The following ZFYVE1 variants were observed in gnomAD, a reference collection of about 807,000 sequenced individuals.
The protein encoded by ZFYVE1 is zinc finger FYVE-type containing 1, also known as zinc finger FYVE domain-containing protein 1.
Under a neutral mutation model 74.4 loss-of-function variants are expected in ZFYVE1, and 30 were observed. The ratio of observed to expected loss-of-function variants is 0.40; its 90% CI spans 0.30 to 0.55. ZFYVE1 has a LOEUF of 0.55. ZFYVE1 is among the 20% of genes least tolerant of loss of function. The pLI, the probability that ZFYVE1 is intolerant of heterozygous loss-of-function variation, is 0.42. For missense variants in ZFYVE1, 703 were observed against 1,011.6 expected (o/e 0.69, Z 4.14); for synonymous variants, 335 against 385.1 (o/e 0.87, Z 1.52).
At chr14:72,980,561 A>C (rs1347501009) in intron 5 of ZFYVE1, among the ~76,000 whole-genome samples, 1 of 142,772 alleles carries the variant, frequency 7.0e-6, no homozygotes, top group African/African-American at 2.5e-5. Flanking sequence ...TTATTTATTT[A>C]TTTATTTATT....
At chr14:72,980,527 G>GAATTAATT (rs35853251) in intron 5 of ZFYVE1, among the ~76,000 whole-genome samples, 11 of 140,782 alleles carry the variant, frequency 7.8e-5, no homozygotes, top group East Asian at 2.3e-4. Context: ...CATCACCTGA[G>GAATTAATT]AATTAATTAA....
At chr14:72,993,559 C>T (rs977099417) in intron 3 of ZFYVE1, among the ~76,000 whole-genome samples, 1 of 148,638 alleles carries the variant, frequency 6.7e-6, no homozygotes, top group Non-Finnish European at 1.5e-5. Context: ...ATTAGCAGGG[C>T]GTGGTGGCGC....
chr14:73,025,838 A>G (rs1272359099), intron 1 of ZFYVE1, among the ~76,000 whole-genome samples: 1 of 152,182 alleles, frequency 6.6e-6, no homozygotes, highest in Non-Finnish European at 1.5e-5. Context: ...TCAGATATTA[A>G]ATTCAGAATC....
intron 2 of ZFYVE1, among the ~76,000 whole-genome samples, chr14:73,023,785 G>A (rs1482581718): frequency 6.6e-6 from 1 of 152,062 alleles, no homozygotes; most frequent in South Asian, 2.1e-4. Flanking sequence ...CTCACAACTC[G>A]ATGAAGTAGG....
At chr14:72,981,675 T>G in intron 5 of ZFYVE1, 114 bp downstream of exon 5, 1 of 975,080 alleles carries the variant, frequency 1.0e-6, no homozygotes, top group Non-Finnish European at 1.6e-6. Context: ...AATCAGAACC[T>G]GTAATTTAGC....
chr14:72,971,823 G>GTC (rs1440469903), intron 11 of ZFYVE1, among the ~76,000 whole-genome samples: 3 of 152,158 alleles, frequency 2.0e-5, no homozygotes, highest in Non-Finnish European at 1.5e-5. Context: ...GGGCAGCCGT[G>GTC]TTAAGAACCC....
rs750799675 is a variant in ZFYVE1, at chr14:72,971,058, G to A, written c.2158C>T (p.His720Tyr). Residue 720 changes from histidine (H) to tyrosine (Y), a missense_variant, in exon 12 of 12, where the codon CAC (histidine) becomes TAC (tyrosine). Physicochemically the swap from His to Tyr is moderately conservative, Grantham distance 83. Coordinates refer to ENST00000556143, the MANE Select transcript of ZFYVE1 (RefSeq NM_021260.4). ...AYWVPDHEIL[H>Y]CHNCRKEFSI... The stretch of plus-strand genomic sequence containing the variant: ...AACTCCTTCCGGCAGTTGTGGCAGT[G>A]GAGGATTTCGTGGTCAGGCACCCAG... The A allele has an allele frequency of 1.2e-6, 2 of 1,614,050 alleles. No homozygotes were observed. Among genetic ancestry groups the A allele is most frequent in the Admixed American group, 1.7e-5 (1 of 59,992 alleles).
In ZFYVE1 at chr14:72,978,127, T is replaced by G. The variant is rs369587161; in HGVS notation, c.1517+10A>C. Reference sequence around the variant, plus strand: ...ACCAGAAAACCTTGAGCCATGTTGTTTAAACTCACCCAGACCAGGCATATT... The same window carrying G: ...ACCAGAAAACCTTGAGCCATGTTGTGTAAACTCACCCAGACCAGGCATATT... On this transcript the variant is annotated intron_variant, in intron 7 of 11. Transcript: ENST00000556143. 9.9e-5 allele frequency: 159 copies of G among 1,614,036 alleles called. 1 individual carries two copies. Among genetic ancestry groups the G allele is most frequent in the Non-Finnish European group, 1.9e-5 (23 of 1,180,008 alleles).
At chr14:72,978,262 ATTGTTTGTTTT>A (rs772292181) in intron 6 of ZFYVE1, 28 bp from the exon 7 acceptor site, 19 of 1,605,512 alleles carry the variant, frequency 1.2e-5, no homozygotes, top group South Asian at 8.8e-5. Context: ...CTGCTAGCTT[ATTGTTTGTTTT>A]TTGTTTGTTT....
rs549700019 is a variant in ZFYVE1, at chr14:73,024,832, A to G, written c.-324T>C. 14 of 228,800 alleles carry G rather than the reference A, an allele frequency of 6.1e-5. No individual in the cohort carries two copies. The highest frequency in any genetic ancestry group is 8.5e-5 in the Non-Finnish European group (10 of 118,016). 14.2% of individuals were successfully genotyped at this position (228,800 alleles called of 1,614,324 possible). Reference sequence around the variant, plus strand: ...TATCTGAGAGAGGTCTGATGGGTTCACGGTGGTGGGTTCATCGGTTGGACA... The same window carrying G: ...TATCTGAGAGAGGTCTGATGGGTTCGCGGTGGTGGGTTCATCGGTTGGACA... On this transcript the variant is annotated 5_prime_UTR_variant, in exon 2 of 12. An upstream open reading frame in the 5' UTR loses its in-frame stop. Coordinates refer to ENST00000556143, the MANE Select transcript of ZFYVE1 (RefSeq NM_021260.4).
In ZFYVE1 at chr14:73,000,930, C is replaced by T. The variant is rs1461893683; in HGVS notation, c.484-2615G>A. ...CACTTCCACCCCTTGCTTCAATATG[C>T]GTCGGTTATTCTCACCTTTGGGGCA... is the stretch of plus-strand genomic sequence containing the variant. On this transcript the variant is annotated intron_variant, in intron 2 of 11. Coordinates refer to ENST00000556143, the MANE Select transcript of ZFYVE1 (RefSeq NM_021260.4). Among the ~76,000 whole-genome samples the T allele has an allele frequency of 3.3e-5, 5 of 152,310 alleles. 1 individual carries two copies. The highest frequency in any genetic ancestry group is 1.2e-4 in the African/African-American group (5 of 41,572).
chr14:72,969,574 T>A lies in ZFYVE1; in HGVS notation c.*1308A>T. On this transcript the variant is annotated 3_prime_UTR_variant, in exon 12 of 12. Transcript: ENST00000556143. ...GAGGGACGACACACTCCAGGGCTCA[T>A]GTCACACCGATAGGCGCACCAGGAA... is the stretch of plus-strand genomic sequence containing the variant. The A allele has an allele frequency of 1.6e-6, 1 of 639,402 alleles. No homozygotes were observed. The highest frequency in any genetic ancestry group is 2.8e-6 in the Non-Finnish European group (1 of 356,632). The allele number at this position is 639,402 out of a possible 1,614,324, so 39.6% of individuals were successfully genotyped here.
intron 5 of ZFYVE1, among the ~76,000 whole-genome samples, chr14:72,979,473 G>A (rs1893267049): frequency 6.6e-6 from 1 of 151,782 alleles, no homozygotes; most frequent in African/African-American, 2.4e-5. Context: ...CCAACATGGA[G>A]AAACCCCGTC....
chr14:72,985,563 C>T (rs1293415423), intron 4 of ZFYVE1, among the ~76,000 whole-genome samples: 1 of 151,524 alleles, frequency 6.6e-6, no homozygotes, highest in Non-Finnish European at 1.5e-5. Context: ...AACTCCTGAC[C>T]TCAAGTGATC....
chr14:72,986,592 C>T (rs1422146739), intron 4 of ZFYVE1, among the ~76,000 whole-genome samples: 3 of 144,356 alleles, frequency 2.1e-5, no homozygotes, highest in Non-Finnish European at 4.5e-5. Flanking sequence ...GACAGAGTCT[C>T]GCTCTATCAC....
At chr14:72,993,060 G>T in intron 4 of ZFYVE1, 83 bp downstream of exon 4, 2 of 1,355,934 alleles carry the variant, frequency 1.5e-6, no homozygotes, top group Non-Finnish European at 2.0e-6. Context: ...CCAATCACCA[G>T]CACCACAAAA....
Position 72,969,934 on chromosome 14 carries a change from T to C in ZFYVE1, c.*948A>G. ...TCGCCCCTCCGAGAGCTAGAGGGGT[T>C]GTGTGTCTGGGAACAAAGGATTAAG... On this transcript the variant is annotated 3_prime_UTR_variant, in exon 12 of 12. Coordinates refer to ENST00000556143, the MANE Select transcript of ZFYVE1 (RefSeq NM_021260.4). 3.4e-6 allele frequency: 2 copies of C among 592,180 alleles called. No homozygotes were observed. Among genetic ancestry groups the C allele is most frequent in the Non-Finnish European group, 6.0e-6 (2 of 336,010 alleles). The allele number at this position is 592,180 out of a possible 1,614,324, so 36.7% of individuals were successfully genotyped here.
chr14:73,006,333 G>A (rs1893978706), intron 2 of ZFYVE1, among the ~76,000 whole-genome samples: 1 of 152,024 alleles, frequency 6.6e-6, no homozygotes, highest in Non-Finnish European at 1.5e-5. Flanking sequence ...CCAGCACTTT[G>A]GGAGGCCTAG....
At chr14:72,987,300 T>A (rs1893505631) in intron 4 of ZFYVE1, among the ~76,000 whole-genome samples, 1 of 152,186 alleles carries the variant, frequency 6.6e-6, no homozygotes, top group Non-Finnish European at 1.5e-5. Context: ...GCACAGTGGA[T>A]CACTCCTGGT....
Sources: allele counts gnomAD v4.1 joint callset (sites outside exome capture counted in the v4.1 genomes callset), GRCh38; gene constraint gnomAD v4.1.1; transcripts MANE v1.5; gene names NCBI Gene and HGNC (gene_info 2026-07-23, HGNC 2026-07-21).